The following ATP8A2 variants were observed in gnomAD, a reference collection of about 807,000 sequenced individuals.
The protein encoded by ATP8A2 is phospholipid-transporting ATPase IB.
In ATP8A2, 100 loss-of-function variants were observed where a neutral mutation model predicts 165.6. That is an observed-to-expected ratio of 0.60 (90% CI 0.51 to 0.71). The LOEUF is 0.71. ATP8A2 is among the 30% of genes least tolerant of loss of function. The pLI, the probability that ATP8A2 is intolerant of heterozygous loss-of-function variation, is 0.00. For synonymous variants in ATP8A2, 543 were observed against 548.8 expected (o/e 0.99, Z 0.15); for missense variants, 1,227 against 1,479.5 (o/e 0.83, Z 2.80).
At chr13:25,559,681 C>T (rs200678179) in intron 14 of ATP8A2, 40 bp from the exon 15 acceptor site, 1 of 1,541,608 alleles carries the variant, frequency 6.5e-7, no homozygotes, top group East Asian at 2.2e-5. Flanking sequence ...GTCTTTTGAT[C>T]ACAGTTTTGT....
At chr13:25,887,233 GCA>G (rs1953186282) in intron 33 of ATP8A2, among the ~76,000 whole-genome samples, 5 of 152,138 alleles carry the variant, frequency 3.3e-5, no homozygotes. Context: ...CACTTGAGAT[GCA>G]CACATGTGAT....
intron 2 of ATP8A2, among the ~76,000 whole-genome samples, chr13:25,524,351 A>ACAC (rs2037766887): frequency 1.3e-5 from 2 of 152,140 alleles, no homozygotes; most frequent in Non-Finnish European, 2.9e-5. Flanking sequence ...TGGGTGAAAT[A>ACAC]TTCTGTAAAT....
At chr13:25,647,181 A>C (rs1593129888) in intron 24 of ATP8A2, among the ~76,000 whole-genome samples, 1 of 152,374 alleles carries the variant, frequency 6.6e-6, no homozygotes, top group East Asian at 1.9e-4. Flanking sequence ...AGTATTCTGA[A>C]TATAGCTCTG....
rs1009468564 is a variant in ATP8A2, at chr13:25,468,916, C to T, written c.77-61C>T. 7 of 1,582,664 alleles carry T rather than the reference C, an allele frequency of 4.4e-6. No homozygotes were observed. The African/African-American group carries it at 9.6e-5, about 22-fold the overall frequency. On this transcript the variant is annotated intron_variant, in intron 1 of 36. Coordinates refer to ENST00000381655, the MANE Select transcript of ATP8A2 (RefSeq NM_016529.6). ...GCCCGCCCGCGGCCCGCGCTCGCAG[C>T]CTCCCGCCTGGCGGTTGACTTCTTT...
Position 25,956,886 on chromosome 13 carries a change from G to A in ATP8A2, c.3184-4689G>A, listed in dbSNP as rs192142163. On this transcript the variant is annotated intron_variant, in intron 33 of 36. Coordinates refer to ENST00000381655, the MANE Select transcript of ATP8A2 (RefSeq NM_016529.6). ...CTTCAAACTATATTACAAGGCTACAGTAACCAAAACAGCATGGTACTGATA... is the reference window on the plus strand; with the variant it reads ...CTTCAAACTATATTACAAGGCTACAATAACCAAAACAGCATGGTACTGATA... 5.4e-3 allele frequency among the ~76,000 whole-genome samples: 830 copies of A among 152,338 alleles called. 8 individuals are homozygous for A. Among genetic ancestry groups the A allele is most frequent in the African/African-American group, 0.019 (786 of 41,566 alleles).
At chr13:25,919,679 A>G (rs957155954) in intron 33 of ATP8A2, among the ~76,000 whole-genome samples, 2 of 152,162 alleles carry the variant, frequency 1.3e-5, no homozygotes, top group Non-Finnish European at 2.9e-5. Context: ...CTCTGAAACT[A>G]GTCTCACCTG....
intron 33 of ATP8A2, among the ~76,000 whole-genome samples, chr13:25,954,050 G>A (rs914411559): frequency 6.6e-6 from 1 of 152,146 alleles, no homozygotes; most frequent in Non-Finnish European, 1.5e-5. Context: ...AGGGAGCCAA[G>A]TAGTCTAGCT....
chr13:25,746,750 A>C (rs1042730544), intron 25 of ATP8A2, among the ~76,000 whole-genome samples: 1 of 152,208 alleles, frequency 6.6e-6, no homozygotes, highest in African/African-American at 2.4e-5. Flanking sequence ...ATTCCAGCTG[A>C]AGTGTTTAGA....
intron 35 of ATP8A2, among the ~76,000 whole-genome samples, chr13:25,981,273 G>A (rs1956166266): frequency 6.6e-6 from 1 of 152,172 alleles, no homozygotes; most frequent in South Asian, 2.1e-4. Flanking sequence ...AACAGTTTGT[G>A]TACACACTGT....
chr13:25,577,185 T>C (rs1366948545), intron 20 of ATP8A2, 47 bp downstream of exon 20: 7 of 1,472,656 alleles, frequency 4.8e-6, no homozygotes, highest in African/African-American at 1.4e-5. Flanking sequence ...TTGGCAGCTT[T>C]GTTAATCTGC....
chr13:26,002,720 A>G (rs1489097184), intron 35 of ATP8A2, among the ~76,000 whole-genome samples: 2 of 152,094 alleles, frequency 1.3e-5, no homozygotes, highest in African/African-American at 2.4e-5. Context: ...AAGATTCCAT[A>G]TATAAATGAG....
chr13:25,884,828 C>T (rs1341078532), intron 33 of ATP8A2, among the ~76,000 whole-genome samples: 1 of 152,236 alleles, frequency 6.6e-6, no homozygotes, highest in Non-Finnish European at 1.5e-5. Context: ...CACTTGCCCT[C>T]CTCCCACGAG....
At chr13:25,720,987 A>C (rs985610495) in intron 25 of ATP8A2, among the ~76,000 whole-genome samples, 5 of 141,130 alleles carry the variant, frequency 3.5e-5, no homozygotes, top group African/African-American at 1.1e-4. Context: ...TTTTCCTGAC[A>C]CAGAGTCTTA....
At chr13:25,768,930 T>G (rs1447752226) in intron 25 of ATP8A2, 116 bp from the exon 26 acceptor site, 2 of 941,108 alleles carry the variant, frequency 2.1e-6, no homozygotes, top group African/African-American at 1.6e-5. Flanking sequence ...ATAAAATGGA[T>G]GTATTGAATT....
rs377240299 is a variant in ATP8A2, at chr13:25,543,308, C to T, written c.797C>T (p.Pro266Leu). Residue 266 changes from proline to leucine, a missense_variant, in exon 10 of 37, where the codon CCT becomes CTT. Physicochemically the swap from Pro to Leu is moderately conservative, Grantham distance 98. Coordinates refer to ENST00000381655, the MANE Select transcript of ATP8A2 (RefSeq NM_016529.6). Reference protein sequence around the residue: ...LDGKSLVALGPDQILLRGTQL... With the variant: ...LDGKSLVALGLDQILLRGTQL... ...ATTTTTAGCCTTGTTGCCCTTGGGCCTGACCAGATCTTATTAAGAGGTACA... is the reference window on the plus strand; with the variant it reads ...ATTTTTAGCCTTGTTGCCCTTGGGCTTGACCAGATCTTATTAAGAGGTACA... The T allele has an allele frequency of 1.9e-5, 30 of 1,608,168 alleles. No individual in the cohort carries two copies. Among genetic ancestry groups the T allele is most frequent in the Non-Finnish European group, 2.6e-5 (30 of 1,175,776 alleles).
At chr13:25,691,722 T>C (rs1354178354) in intron 24 of ATP8A2, among the ~76,000 whole-genome samples, 1 of 152,260 alleles carries the variant, frequency 6.6e-6, no homozygotes. Flanking sequence ...TATCTACTTA[T>C]GGACTTTAAA....
intron 2 of ATP8A2, among the ~76,000 whole-genome samples, chr13:25,528,901 ATAC>A (rs2037939927): frequency 6.6e-6 from 1 of 151,578 alleles, no homozygotes; most frequent in African/African-American, 2.4e-5. Context: ...ATACATATGC[ATAC>A]ACATGTTGGT....
chr13:25,844,082 G>T (rs1391944876), intron 30 of ATP8A2, among the ~76,000 whole-genome samples: 1 of 152,156 alleles, frequency 6.6e-6, no homozygotes, highest in Non-Finnish European at 1.5e-5. Flanking sequence ...AATTATTTTA[G>T]TGGGACTGGG....
At chr13:25,425,319 G>C (rs977528330) in intron 1 of ATP8A2, among the ~76,000 whole-genome samples, 5 of 151,834 alleles carry the variant, frequency 3.3e-5, no homozygotes, top group Non-Finnish European at 5.9e-5. Context: ...AATGCTAGAA[G>C]CTCCCCCCAG....
Sources: gnomAD v4.1 joint callset for allele counts (sites outside exome capture counted in the v4.1 genomes callset) on GRCh38, gnomAD v4.1.1 for gene constraint, MANE v1.5 for transcripts, NCBI Gene and HGNC (gene_info 2026-07-23, HGNC 2026-07-21) for gene names.